ADAM23: variants seen among roughly 807,000 people sequenced by gnomAD.
The protein encoded by ADAM23 is disintegrin and metalloproteinase domain-containing protein 23.
A neutral mutation model predicts 120.1 loss-of-function variants in ADAM23; 33 were observed. That is an observed-to-expected ratio of 0.27 (90% confidence interval 0.21 to 0.37). The LOEUF is 0.37. ADAM23 is among the 10% of genes least tolerant of loss of function. The pLI is 1.00. For missense variants in ADAM23, 862 were observed against 1,058.2 expected (o/e 0.81, Z 2.57); for synonymous variants, 367 against 375.2 (o/e 0.98, Z 0.25).
chr2:206,603,182 G>C (rs1405246708), intron 24 of ADAM23, among the ~76,000 whole-genome samples: 1 of 150,534 alleles, frequency 6.6e-6, no homozygotes, highest in Non-Finnish European at 1.5e-5. Context: ...AATTAGTGTA[G>C]AAGTAGAATT....
intron 2 of ADAM23, among the ~76,000 whole-genome samples, chr2:206,448,612 A>C (rs1197348890): frequency 3.3e-5 from 5 of 152,110 alleles, no homozygotes; most frequent in African/African-American, 1.2e-4. Context: ...TGGGATTTGC[A>C]CCCCACAACC....
chr2:206,536,862 C>T (rs370133464), intron 4 of ADAM23, among the ~76,000 whole-genome samples: 45 of 151,786 alleles, frequency 3.0e-4, no homozygotes, highest in East Asian at 2.9e-3. Flanking sequence ...CGTGCCACCA[C>T]GCTTGGCTAA....
rs570828887 is a variant in ADAM23, at chr2:206,506,460, C to G, written c.510-24425C>G. 5.3e-5 allele frequency among the ~76,000 whole-genome samples: 8 copies of G among 152,304 alleles called. No homozygotes were observed. The South Asian group carries it at 1.7e-3, about 32-fold the overall frequency. ...TGCTCTCAAGGTTCACCAAGTGGAG[C>G]TGATGTTTCGCTAGGCAGAAGAAAA... On this transcript the variant is annotated intron_variant, in intron 3 of 25. Transcript: ENST00000264377.
intron 24 of ADAM23, chr2:206,608,022 TA>T (rs779024992): frequency 1.7e-5 from 7 of 421,296 alleles, no homozygotes; most frequent in Admixed American, 2.7e-5. Context: ...CATGGTTATA[TA>T]TTTTTTTAAT....
At position 206,474,997 on chromosome 2, in the gene ADAM23, T is replaced by C. The variant is rs149704877; in HGVS notation, c.433-6235T>C. Among the ~76,000 whole-genome samples, 1,344 of 152,324 alleles carry C rather than the reference T, an allele frequency of 8.8e-3. 8 individuals are homozygous for C. Among genetic ancestry groups the C allele is most frequent in the African/African-American group, 0.015 (643 of 41,572 alleles). ...GATGTAAGGACTTCTGGCATAAGTA[T>C]GGCACTTTTTTGTCATTTAACTAAA... On this transcript the variant is annotated intron_variant, in intron 2 of 25. Transcript: ENST00000264377.
At chr2:206,561,360 G>A (rs1343666371) in intron 12 of ADAM23, 148 bp downstream of exon 12, 5 of 704,678 alleles carry the variant, frequency 7.1e-6, no homozygotes, top group Admixed American at 5.2e-5. Context: ...AGAACCCAAC[G>A]TGGTCCTTTT....
chr2:206,498,626 G>A (rs1462388253), intron 3 of ADAM23, among the ~76,000 whole-genome samples: 14 of 152,106 alleles, frequency 9.2e-5, no homozygotes, highest in African/African-American at 3.4e-4. Flanking sequence ...AAAAGCAATG[G>A]CAACAAAAGC....
chr2:206,515,448 TG>T (rs1261696919), intron 3 of ADAM23, among the ~76,000 whole-genome samples: 1 of 152,188 alleles, frequency 6.6e-6, no homozygotes, highest in East Asian at 1.9e-4. Flanking sequence ...ATTTGCTCCA[TG>T]TTGCACCACA....
intron 22 of ADAM23, among the ~76,000 whole-genome samples, 196 bp from the exon 23 acceptor site, chr2:206,594,541 T>C (rs891235270): frequency 6.6e-6 from 1 of 152,200 alleles, no homozygotes; most frequent in Non-Finnish European, 1.5e-5. Flanking sequence ...ATAATGATAA[T>C]GAAAGAGTGT....
At chr2:206,477,749 G>A (rs1052513280) in intron 2 of ADAM23, among the ~76,000 whole-genome samples, 1 of 151,440 alleles carries the variant, frequency 6.6e-6, no homozygotes, top group Non-Finnish European at 1.5e-5. Flanking sequence ...AGTGATGCTG[G>A]TCAGTTCATT....
intron 2 of ADAM23, among the ~76,000 whole-genome samples, chr2:206,459,735 A>C (rs1015760576): frequency 6.6e-6 from 1 of 152,140 alleles, no homozygotes; most frequent in Non-Finnish European, 1.5e-5. Context: ...ACTATCATCT[A>C]CCCTAGCCCG....
chr2:206,534,643 G>A lies in ADAM23; in HGVS notation c.573+3695G>A, dbSNP rs116713103. On this transcript the variant is annotated intron_variant, in intron 4 of 25. Coordinates refer to ENST00000264377, the MANE Select transcript of ADAM23 (RefSeq NM_003812.4). ...TAAGCATCAACAAAACACTATGAAA[G>A]TACTTTTCAAAATTAACATATTTCT... 3.3e-3 allele frequency among the ~76,000 whole-genome samples: 508 copies of A among 152,270 alleles called. 3 individuals carry two copies. The highest frequency in any genetic ancestry group is 0.011 in the African/African-American group (477 of 41,544).
At chr2:206,585,418 G>T (rs552589210) in intron 18 of ADAM23, among the ~76,000 whole-genome samples, 1 of 152,218 alleles carries the variant, frequency 6.6e-6, no homozygotes. Flanking sequence ...TCACCAGATT[G>T]AAAAGCTGTG....
Position 206,464,703 on chromosome 2 carries a change from C to T in ADAM23, c.433-16529C>T, listed in dbSNP as rs186266189. 1.9e-3 allele frequency among the ~76,000 whole-genome samples: 284 copies of T among 152,198 alleles called. 1 individual carries two copies. Among genetic ancestry groups the T allele is most frequent in the African/African-American group, 6.6e-3 (276 of 41,518 alleles). On this transcript the variant is annotated intron_variant, in intron 2 of 25. Coordinates refer to ENST00000264377, the MANE Select transcript of ADAM23 (RefSeq NM_003812.4). ...AGGGGTTCTCAACCAGTTTGCTCCC[C>T]GCTGCCAACACTCCCCCATAGGACA...
Position 206,443,876 on chromosome 2 carries a change from C to A in ADAM23, c.10C>A (p.Pro4Thr). The A allele has an allele frequency of 8.7e-7, 1 of 1,147,202 alleles. No homozygotes were observed. The highest frequency in any genetic ancestry group is 1.1e-6 in the Non-Finnish European group (1 of 936,298). The allele number at this position is 1,147,202 out of a possible 1,614,324, so 71.1% of individuals were successfully genotyped here. The change falls in exon 1 of 26, where the codon CCC becomes ACC. Residue 4 changes from proline to threonine, a missense_variant. This residue lies in a region of ADAM23 where 225 missense variants were observed against 204.0 expected (regional missense o/e 1.10). Transcript: ENST00000264377. MKP[P>T]GSSSRQPPLA... Reference sequence around the variant, plus strand: ...CCGGGAGCTATGAGCCATGAAGCCGCCCGGCAGCAGCTCGCGGCAGCCGCC... The same window carrying A: ...CCGGGAGCTATGAGCCATGAAGCCGACCGGCAGCAGCTCGCGGCAGCCGCC...
intron 4 of ADAM23, among the ~76,000 whole-genome samples, chr2:206,539,382 C>T (rs920519868): frequency 6.6e-6 from 1 of 152,222 alleles, no homozygotes; most frequent in Non-Finnish European, 1.5e-5. Context: ...CCATTTGCCA[C>T]GTCACAGGTC....
intron 3 of ADAM23, among the ~76,000 whole-genome samples, chr2:206,502,551 T>A (rs941854921): frequency 1.3e-5 from 2 of 152,108 alleles, no homozygotes; most frequent in African/African-American, 4.8e-5. Context: ...CTCCTTGGGT[T>A]TCCAATGAAC....
chr2:206,616,801 TG>T (rs1698942073), intron 25 of ADAM23, among the ~76,000 whole-genome samples: 1 of 152,028 alleles, frequency 6.6e-6, no homozygotes, highest in South Asian at 2.1e-4. Flanking sequence ...AGCCAGACCA[TG>T]GGGAGGTTGC....
intron 3 of ADAM23, among the ~76,000 whole-genome samples, 186 bp from the exon 4 acceptor site, chr2:206,530,699 T>C (rs1697040892): frequency 7.2e-6 from 1 of 138,000 alleles, no homozygotes; most frequent in African/African-American, 2.7e-5. Flanking sequence ...TTTCTGCAGA[T>C]TGGGGAGTAA....
Sources: gnomAD v4.1 joint callset for allele counts (sites outside exome capture counted in the v4.1 genomes callset) on GRCh38, gnomAD v4.1.1 for gene constraint, gnomAD v4.1.1 regional missense constraint, MANE v1.5 for transcripts, NCBI Gene and HGNC (gene_info 2026-07-23, HGNC 2026-07-21) for gene names.